The following CDH23 variants were observed in gnomAD, a reference collection of about 807,000 sequenced individuals.
The protein encoded by CDH23 is cadherin-23.
In CDH23, 189 loss-of-function variants were observed where a neutral mutation model predicts 317.1. The observed-to-expected ratio is 0.60, with a 90% CI of 0.53 to 0.67. CDH23 has a LOEUF of 0.67. CDH23 is among the 30% of genes least tolerant of loss of function. CDH23 has a pLI of 0.00. For synonymous variants in CDH23, 1,839 were observed against 1,876.8 expected (o/e 0.98, Z 0.52); for missense variants, 4,401 against 4,592.4 (o/e 0.96, Z 1.20).
chr10:71,803,116 T>C, intron 54 of CDH23, 41 bp downstream of exon 54: 5 of 1,448,706 alleles, frequency 3.5e-6, no homozygotes, highest in Non-Finnish European at 4.8e-6. Context: ...TCTTGGGGGG[T>C]GGGAGGGGGA....
chr10:71,578,015 T>G (rs1353804850), intron 9 of CDH23, 23 bp downstream of exon 9: 1 of 1,571,848 alleles, frequency 6.4e-7, no homozygotes, highest in African/African-American at 1.3e-5. Flanking sequence ...GCTGCCCCTC[T>G]CTCCTCTCAC....
intron 11 of CDH23, among the ~76,000 whole-genome samples, chr10:71,618,172 G>C (rs1861288696): frequency 6.6e-6 from 1 of 152,116 alleles, no homozygotes; most frequent in Admixed American, 6.5e-5. Context: ...CGTGAAGAGT[G>C]AAAGGACCTA....
chr10:71,486,312 A>G (rs1029283415), intron 3 of CDH23, among the ~76,000 whole-genome samples: 1 of 152,180 alleles, frequency 6.6e-6, no homozygotes, highest in Non-Finnish European at 1.5e-5. Flanking sequence ...CTGGGATTAC[A>G]GAGGAAAGGG....
intron 31 of CDH23, 81 bp downstream of exon 31, chr10:71,730,685 G>A: frequency 6.4e-7 from 1 of 1,570,490 alleles, no homozygotes; most frequent in Non-Finnish European, 8.6e-7. Context: ...CTTCGAAACG[G>A]TCATCCCTGA....
At chr10:71,463,452 A>G (rs2132066879) in intron 3 of CDH23, among the ~76,000 whole-genome samples, 1 of 152,304 alleles carries the variant, frequency 6.6e-6, no homozygotes, top group African/African-American at 2.4e-5. Context: ...AGAGTAATGA[A>G]CAATGGGTTG....
chr10:71,425,352 G>A (rs559787464), intron 1 of CDH23, among the ~76,000 whole-genome samples: 3 of 130,732 alleles, frequency 2.3e-5, no homozygotes, highest in East Asian at 2.2e-4. Flanking sequence ...TCACAGTGGG[G>A]CAGAGAGAAA....
chr10:71,563,929 A>G (rs972821928), intron 6 of CDH23, among the ~76,000 whole-genome samples: 4 of 151,910 alleles, frequency 2.6e-5, no homozygotes, highest in Non-Finnish European at 5.9e-5. Flanking sequence ...TTGTATTTTT[A>G]GTAGAGACGG....
At chr10:71,563,654 T>C (rs959846905) in intron 6 of CDH23, among the ~76,000 whole-genome samples, 9 of 152,356 alleles carry the variant, frequency 5.9e-5, no homozygotes, top group Admixed American at 6.5e-5. Flanking sequence ...TAACCATTTA[T>C]CGAGTGTTGC....
At chr10:71,494,767 A>C (rs1420688731) in intron 3 of CDH23, among the ~76,000 whole-genome samples, 1 of 152,136 alleles carries the variant, frequency 6.6e-6, no homozygotes, top group Admixed American at 6.5e-5. Context: ...GCCTCATGCT[A>C]GTTTCCACCC....
rs935944832 is a variant in CDH23, at chr10:71,667,186, C to T, written c.1450-7926C>T. 3.8e-4 allele frequency among the ~76,000 whole-genome samples: 58 copies of T among 152,078 alleles called. 1 individual carries two copies. The highest frequency in any genetic ancestry group is 4.3e-4 in the Non-Finnish European group (29 of 68,026). ...CGGGGCATTCCTGTGAGTGTGCGTG[C>T]GTGACGGGAGTGTGGGCGCTGGTGA... is the stretch of plus-strand genomic sequence containing the variant. On this transcript the variant is annotated intron_variant, in intron 14 of 69. Transcript: ENST00000224721.
intron 22 of CDH23, among the ~76,000 whole-genome samples, chr10:71,698,458 T>C (rs1589346723): frequency 6.6e-6 from 1 of 151,314 alleles, no homozygotes; most frequent in African/African-American, 2.4e-5. Context: ...AAGGAGGAGG[T>C]GATATTTGAA....
At chr10:71,773,628 G>T in intron 38 of CDH23, 1 of 485,462 alleles carries the variant, frequency 2.1e-6, no homozygotes. Flanking sequence ...GCCTCTCCGA[G>T]GGCCGCGTGG....
intron 32 of CDH23, chr10:71,732,731 G>A (rs925084921): frequency 1.7e-6 from 2 of 1,160,988 alleles, no homozygotes; most frequent in South Asian, 5.4e-5. Flanking sequence ...ATGCAGGCTG[G>A]TATCCTTCTG....
rs1564805155 is a variant in CDH23 at position 71,807,588 on chromosome 10, A to G, written c.8381A>G (p.Glu2794Gly). 1 of 1,613,956 alleles carries G rather than the reference A, an allele frequency of 6.2e-7. No individual in the cohort carries two copies. The highest frequency in any genetic ancestry group is 1.1e-5 in the South Asian group (1 of 91,082). The change falls in exon 59 of 70, where the codon GAG becomes GGG. Residue 2794 changes from glutamate (E) to glycine (G), a missense_variant. Coordinates refer to ENST00000224721, the MANE Select transcript of CDH23 (RefSeq NM_022124.6). ...CLLVLRDLDR[E>G]REAIFSFIVK... ...CTGGTGCTGCGGGACCTGGACCGGGAGCGAGAAGCCATCTTCTCCTTCATC... is the reference window on the plus strand; with the variant it reads ...CTGGTGCTGCGGGACCTGGACCGGGGGCGAGAAGCCATCTTCTCCTTCATC...
At chr10:71,513,463 A>G (rs1033033620) in intron 6 of CDH23, among the ~76,000 whole-genome samples, 4 of 152,138 alleles carry the variant, frequency 2.6e-5, no homozygotes, top group African/African-American at 9.7e-5. Context: ...CCTGCCCTTT[A>G]GAGTGTGATT....
chr10:71,620,089 G>A (rs1861389939), intron 11 of CDH23, among the ~76,000 whole-genome samples: 1 of 152,194 alleles, frequency 6.6e-6, no homozygotes, highest in African/African-American at 2.4e-5. Context: ...TGTAGTGGCT[G>A]AGGAGCATGA....
intron 38 of CDH23, among the ~76,000 whole-genome samples, chr10:71,775,800 A>G (rs1840804552): frequency 6.6e-6 from 1 of 152,204 alleles, no homozygotes; most frequent in Non-Finnish European, 1.5e-5. Context: ...ATAGTGGTGA[A>G]GGCCCCAAAT....
At chr10:71,536,037 G>T (rs1423337697) in intron 6 of CDH23, among the ~76,000 whole-genome samples, 2 of 152,266 alleles carry the variant, frequency 1.3e-5, no homozygotes, top group Non-Finnish European at 2.9e-5. Flanking sequence ...ATGGGCTGGG[G>T]GTCAGAAGGC....
chr10:71,550,579 A>G (rs59340444), intron 6 of CDH23, among the ~76,000 whole-genome samples: 4,436 of 120,930 alleles, frequency 0.037, 446 homozygotes, highest in African/African-American at 0.12. Flanking sequence ...AAAAAAAAAG[A>G]AAAAAGAAAA....
Sources: gnomAD v4.1 joint callset for allele counts (sites outside exome capture counted in the v4.1 genomes callset) on GRCh38, gnomAD v4.1.1 for gene constraint, MANE v1.5 for transcripts, NCBI Gene and HGNC (gene_info 2026-07-23, HGNC 2026-07-21) for gene names.